Variants in RIMKLB observed in about 807,000 individuals in gnomAD.
RIMKLB encodes the protein ribosomal modification protein rimK like family member B.
In RIMKLB, 7 loss-of-function variants were observed where a neutral mutation model predicts 32.0. The ratio of observed to expected loss-of-function variants is 0.22; its 90% CI spans 0.12 to 0.41. The LOEUF (loss-of-function observed/expected upper bound fraction) is 0.41. RIMKLB is among the 10% of genes least tolerant of loss of function. The pLI, the probability that RIMKLB is intolerant of heterozygous loss-of-function variation, is 1.00. For synonymous variants in RIMKLB, 172 were observed against 185.1 expected, an observed-to-expected ratio of 0.93 and a Z score of 0.57; for missense variants, 289 against 498.7, an observed-to-expected ratio of 0.58 and a Z score of 4.00.
intron 1 of RIMKLB, among the ~76,000 whole-genome samples, chr12:8,711,992 T>C (rs1359655059): frequency 6.6e-6 from 1 of 152,130 alleles, no homozygotes; most frequent in Non-Finnish European, 1.5e-5. Context: ...TTTCCCATAC[T>C]GTGGTTAAAA....
Position 8,773,879 on chromosome 12 carries a change from T to C in RIMKLB, c.*95T>C. On this transcript the variant is annotated 3_prime_UTR_variant, in exon 6 of 6. Coordinates refer to ENST00000535829, the MANE Select transcript of RIMKLB (RefSeq NM_001297776.2). ...TTGCAATGCTGTTCATGGAGGATGCTCAGGAAGATGAGAGAAAATTAGTAG... is the reference window on the plus strand; with the variant it reads ...TTGCAATGCTGTTCATGGAGGATGCCCAGGAAGATGAGAGAAAATTAGTAG... 1 of 1,480,388 alleles carries C rather than the reference T, an allele frequency of 6.8e-7. No individual in the cohort carries two copies. Among genetic ancestry groups the C allele is most frequent in the Non-Finnish European group, 9.0e-7 (1 of 1,117,278 alleles). The allele number at this position is 1,480,388 out of a possible 1,614,324, so 91.7% of individuals were successfully genotyped here. A position where few individuals can be genotyped will look rare whatever the true frequency, so the allele number is the denominator to read the frequency against.
intron 1 of RIMKLB, among the ~76,000 whole-genome samples, chr12:8,685,387 T>C (rs889981656): frequency 2.0e-5 from 3 of 152,218 alleles, no homozygotes; most frequent in Non-Finnish European, 4.4e-5. Context: ...TGTTTTGTTT[T>C]GTTTGATCAT....
At chr12:8,759,155 G>A (rs1949316283) in intron 5 of RIMKLB, among the ~76,000 whole-genome samples, 1 of 152,154 alleles carries the variant, frequency 6.6e-6, no homozygotes, top group Admixed American at 6.5e-5. Flanking sequence ...CCAGCACTTT[G>A]GGAGGCTGAG....
intron 5 of RIMKLB, among the ~76,000 whole-genome samples, chr12:8,767,077 TGTTTACCCTGACAACAA>T (rs1192065018): frequency 1.1e-4 from 16 of 152,274 alleles, no homozygotes; most frequent in African/African-American, 3.6e-4. Context: ...GCTACGCCCT[TGTTTACCCTGACAACAA>T]GGTAGTATTG....
At chr12:8,686,625 G>A (rs12309620) in intron 1 of RIMKLB, among the ~76,000 whole-genome samples, 5,162 of 151,830 alleles carry the variant, frequency 0.034, 292 homozygotes, top group African/African-American at 0.12. Context: ...GACTACAGGC[G>A]CCCGCCACCA....
Position 8,774,781 on chromosome 12 carries a change from A to G in RIMKLB, c.*997A>G. The stretch of plus-strand genomic sequence containing the variant: ...ACAAGGAAAAATATTTTTGGGGGCA[A>G]ATCAAGAGCCTATGAGTTCTAAGTA... On this transcript the variant is annotated 3_prime_UTR_variant, in exon 6 of 6. Coordinates refer to ENST00000535829, the MANE Select transcript of RIMKLB (RefSeq NM_001297776.2). The G allele has an allele frequency of 1.0e-6, 1 of 985,722 alleles. No individual in the cohort carries two copies. The highest frequency in any genetic ancestry group is 1.2e-6 in the Non-Finnish European group (1 of 829,906). 61.1% of individuals were successfully genotyped at this position (985,722 alleles called of 1,614,324 possible).
chr12:8,758,773 ACTT>A (rs1457852774), intron 5 of RIMKLB, among the ~76,000 whole-genome samples: 1 of 152,202 alleles, frequency 6.6e-6, no homozygotes, highest in East Asian at 1.9e-4. Context: ...TCTGAACACT[ACTT>A]ATTGAATAGT....
chr12:8,697,659 C>A, upstream of RIMKLB: 1 of 274,740 alleles, frequency 3.6e-6, no homozygotes, highest in South Asian at 2.6e-5. Flanking sequence ...GGAGGCGCGT[C>A]CTCGGAGCGC....
At position 8,698,260 on chromosome 12, in the gene RIMKLB, C is replaced by T. The variant is rs1342969527; in HGVS notation, c.-94C>T. On this transcript the variant is annotated 5_prime_UTR_variant, in exon 1 of 6. Coordinates refer to ENST00000535829, the MANE Select transcript of RIMKLB (RefSeq NM_001297776.2). ...CTTCCTCGAAGGCCCCAGCCCGGCT[C>T]AGTCGGCCGAGAGCGAGGGAGGAGC... 5 of 367,814 alleles carry T rather than the reference C, an allele frequency of 1.4e-5. No homozygotes were observed. The East Asian group carries it at 4.5e-4, about 33-fold the overall frequency. 22.8% of individuals were successfully genotyped at this position (367,814 alleles called of 1,614,324 possible). A position where few individuals can be genotyped will look rare whatever the true frequency, so the allele number is the denominator to read the frequency against.
chr12:8,741,293 AC>A (rs2137504159), intron 2 of RIMKLB, among the ~76,000 whole-genome samples: 1 of 139,774 alleles, frequency 7.2e-6, no homozygotes, highest in East Asian at 2.2e-4. Flanking sequence ...CAGGAGATTC[AC>A]TTGAGCCTGG....
At chr12:8,720,434 GTC>G (rs915277701) in intron 2 of RIMKLB, among the ~76,000 whole-genome samples, 12 of 152,122 alleles carry the variant, frequency 7.9e-5, no homozygotes, top group African/African-American at 2.9e-4. Flanking sequence ...TAAATAAAGG[GTC>G]TCTGTTCACA....
chr12:8,697,726 C>T, upstream of RIMKLB: 1 of 260,170 alleles, frequency 3.8e-6, no homozygotes, highest in Non-Finnish European at 8.5e-6. Context: ...TCCCCCGAGG[C>T]CAGCGATGGC....
At chr12:8,777,791 G>A, downstream of RIMKLB, 2 of 817,900 alleles carry the variant, frequency 2.4e-6, no homozygotes, top group Non-Finnish European at 3.1e-6. Context: ...CACAGCCCCA[G>A]TCTGCCTACA....
chr12:8,757,993 G>A lies in RIMKLB; in HGVS notation c.697+3900G>A, dbSNP rs965832296. Among the ~76,000 whole-genome samples, 8 of 149,600 alleles carry A rather than the reference G, an allele frequency of 5.3e-5. No individual in the cohort carries two copies. The South Asian group carries it at 6.4e-4, about 12-fold the overall frequency. On this transcript the variant is annotated intron_variant, in intron 5 of 5. Transcript: ENST00000535829. ...TCCTTTTTCTGGAGAATGGGGTCTCGCTATATTGCCCAGGCAGGTCTCGAA... is the reference window on the plus strand; with the variant it reads ...TCCTTTTTCTGGAGAATGGGGTCTCACTATATTGCCCAGGCAGGTCTCGAA...
Position 8,773,732 on chromosome 12 carries a change from T to C in RIMKLB, c.1109T>C (p.Leu370Pro). ...CTGCTCACCAAGCTCCCAGGGGGCC[T>C]GTTCAACATGAACCAGCTGCTAGCC... ...RELLTKLPGG[L>P]FNMNQLLANE... Residue 370 changes from leucine to proline, a missense_variant, in exon 6 of 6, where the codon CTG (leucine) becomes CCG (proline). Physicochemically the swap from Leu to Pro is moderately conservative, Grantham distance 98. Transcript: ENST00000535829. The C allele has an allele frequency of 1.2e-6, 2 of 1,614,232 alleles. No homozygotes were observed. The highest frequency in any genetic ancestry group is 1.7e-6 in the Non-Finnish European group (2 of 1,180,014).
chr12:8,765,042 G>C (rs935318684), intron 5 of RIMKLB, among the ~76,000 whole-genome samples: 22 of 151,124 alleles, frequency 1.5e-4, no homozygotes, highest in Non-Finnish European at 3.2e-4. Flanking sequence ...TTTGCTCAGG[G>C]CCTAAGGCAC....
intron 5 of RIMKLB, among the ~76,000 whole-genome samples, chr12:8,759,426 C>G (rs1375860350): frequency 2.0e-5 from 3 of 152,078 alleles, no homozygotes; most frequent in African/African-American, 4.8e-5. Context: ...TTTTAAAAAG[C>G]CCATAACTTT....
At chr12:8,670,458 G>A in the RIMKLB span, among the ~76,000 whole-genome samples, 1 of 152,210 alleles carries the variant, frequency 6.6e-6, no homozygotes, top group Non-Finnish European at 1.5e-5. Context: ...ATCCAGTGGA[G>A]CAGTCAAATT....
At chr12:8,765,833 T>C (rs1949913576) in intron 5 of RIMKLB, among the ~76,000 whole-genome samples, 1 of 152,148 alleles carries the variant, frequency 6.6e-6, no homozygotes, top group Non-Finnish European at 1.5e-5. Flanking sequence ...ACTTTTTACA[T>C]AATTGTGACT....
Sources: gnomAD v4.1 joint callset for allele counts (sites outside exome capture counted in the v4.1 genomes callset) on GRCh38, gnomAD v4.1.1 for gene constraint, MANE v1.5 for transcripts, NCBI Gene and HGNC (gene_info 2026-07-23, HGNC 2026-07-21) for gene names.